The following ICMT variants were observed in gnomAD, a reference collection of about 807,000 sequenced individuals.
ICMT encodes protein-S-isoprenylcysteine O-methyltransferase.
ICMT carries 10 observed loss-of-function variants against 32.2 expected under a neutral mutation model. The observed-to-expected ratio is 0.31, with a 90% CI of 0.19 to 0.53. The LOEUF is 0.53. Ranked by LOEUF, ICMT falls within the 20% of genes least tolerant of loss-of-function variation. The pLI, the probability that ICMT is intolerant of heterozygous loss-of-function variation, is 0.96. For missense variants in ICMT, 265 were observed against 356.9 expected, an observed-to-expected ratio of 0.74 and a Z score of 2.07; for synonymous variants, 183 against 158.2, an observed-to-expected ratio of 1.16 and a Z score of -1.18.
At chr1:6,235,611 G>A (rs1162205789) in intron 1 of ICMT, 106 bp downstream of exon 1, 2 of 729,370 alleles carry the variant, frequency 2.7e-6, no homozygotes, top group Non-Finnish European at 3.5e-6. Context: ...TGAAGAGCGC[G>A]CGCGTGGGAG....
intron 2 of ICMT, among the ~76,000 whole-genome samples, chr1:6,234,253 A>T (rs951674432): frequency 1.3e-4 from 20 of 152,222 alleles, no homozygotes; most frequent in Non-Finnish European, 2.4e-4. Context: ...TCCGTTAAAA[A>T]TGACACTACA....
chr1:6,235,697 C>T lies in ICMT; in HGVS notation c.195+20G>A, dbSNP rs1668813667. ...CGCCGCCCGCCCCGCCGGCCCCCGCCGGCCCCCGCCGGCCTGCACCTGGTA... is the reference window on the plus strand; with the variant it reads ...CGCCGCCCGCCCCGCCGGCCCCCGCTGGCCCCCGCCGGCCTGCACCTGGTA... On this transcript the variant is annotated intron_variant, in intron 1 of 4. Transcript: ENST00000343813. The T allele has an allele frequency of 1.7e-6, 2 of 1,173,916 alleles. No homozygotes were observed. Among genetic ancestry groups the T allele is most frequent in the Admixed American group, 4.7e-5 (1 of 21,272 alleles). 72.7% of individuals were successfully genotyped at this position (1,173,916 alleles called of 1,614,324 possible).
intron 4 of ICMT, among the ~76,000 whole-genome samples, chr1:6,231,261 C>T (rs1399910333): frequency 6.6e-6 from 1 of 152,166 alleles, no homozygotes; most frequent in Non-Finnish European, 1.5e-5. Flanking sequence ...GCTCACACAG[C>T]TCACTAACAC....
chr1:6,232,055 C>T lies in ICMT; in HGVS notation c.519G>A (p.Leu173=), dbSNP rs1668746694. 6.2e-7 allele frequency: 1 copy of T among 1,614,020 alleles called. No homozygotes were observed. ...CAGCTGTAAACATGGCCGCCTTCCT[C>T]AGACATTCTCCGAAGACCACCATCA... The part of the protein sequence containing the change: ...GLLMVVFGEC[L]RKAAMFTAGS... The change falls in exon 4 of 5, where the codon CTG becomes CTA. Residue 173 remains leucine, a synonymous_variant. Coordinates refer to ENST00000343813, the MANE Select transcript of ICMT (RefSeq NM_012405.4).
rs762526307 is a variant in ICMT at position 6,235,772 on chromosome 1, T to A, written c.140A>T (p.Tyr47Phe). ...CAGCAGCGCGTTGAGCCCGGCCACG[T>A]AGAGCGCCAGCCCGGTGCGGCCCTG... ...GLQGRTGLAL[Y>F]VAGLNALLLL... The change falls in exon 1 of 5, where the codon TAC becomes TTC. Residue 47 changes from tyrosine to phenylalanine, a missense_variant. Coordinates refer to ENST00000343813, the MANE Select transcript of ICMT (RefSeq NM_012405.4). The A allele has an allele frequency of 1.9e-5, 26 of 1,343,376 alleles. No homozygotes were observed. In the South Asian group the frequency reaches 3.5e-4, roughly 18 times the overall value. 83.2% of individuals were successfully genotyped at this position (1,343,376 alleles called of 1,614,324 possible).
In ICMT at chr1:6,234,856, G is replaced by A. The variant is rs375689804; in HGVS notation, c.284+30C>T. On this transcript the variant is annotated intron_variant, in intron 2 of 4. Coordinates refer to ENST00000343813, the MANE Select transcript of ICMT (RefSeq NM_012405.4). Reference sequence around the variant, plus strand: ...CCCTCTGATCTGTCCACCCTCGCCTGAAAACCAGTATTTCCGAAGGAATTC... The same window carrying A: ...CCCTCTGATCTGTCCACCCTCGCCTAAAAACCAGTATTTCCGAAGGAATTC... The A allele has an allele frequency of 2.6e-6, 4 of 1,534,842 alleles. No homozygotes were observed. The South Asian group carries it at 4.5e-5, about 17-fold the overall frequency.
chr1:6,228,346 TTC>T (rs1377098034), intron 4 of ICMT, among the ~76,000 whole-genome samples: 2 of 151,902 alleles, frequency 1.3e-5, no homozygotes, highest in African/African-American at 4.8e-5. Context: ...TGGTTTCTTT[TTC>T]TTTTTTTTTT....
intron 2 of ICMT, chr1:6,234,302 G>A (rs1484965259): frequency 2.7e-6 from 1 of 367,472 alleles, no homozygotes; most frequent in Non-Finnish European, 5.3e-6. Flanking sequence ...CAACATAAAG[G>A]AGTGATGTAT....
chr1:6,229,269 G>T (rs960820390), intron 4 of ICMT, among the ~76,000 whole-genome samples: 3 of 151,992 alleles, frequency 2.0e-5, no homozygotes, highest in Admixed American at 6.6e-5. Flanking sequence ...ACCTGAGGTT[G>T]GGAGTTCGAG....
In ICMT at chr1:6,225,027, T is replaced by C; in HGVS notation, c.*53A>G. 7 of 1,475,662 alleles carry C rather than the reference T, an allele frequency of 4.7e-6. No homozygotes were observed. The highest frequency in any genetic ancestry group is 1.4e-5 in the African/African-American group (1 of 70,874). The allele number at this position is 1,475,662 out of a possible 1,614,324, so 91.4% of individuals were successfully genotyped here. ...GGCAGCGGCCAACCGGAAACAGTTT[T>C]GTCCCAGGCTGCACAGGGTCGGAGG... On this transcript the variant is annotated 3_prime_UTR_variant, in exon 5 of 5. Coordinates refer to ENST00000343813, the MANE Select transcript of ICMT (RefSeq NM_012405.4).
intron 4 of ICMT, among the ~76,000 whole-genome samples, chr1:6,228,676 A>G (rs1424614354): frequency 2.0e-5 from 3 of 151,986 alleles, no homozygotes; most frequent in Non-Finnish European, 4.4e-5. Context: ...GCCTCAAGCA[A>G]TCCTCCTGCT....
chr1:6,235,562 G>A (rs535148017), intron 1 of ICMT, among the ~76,000 whole-genome samples, 155 bp downstream of exon 1: 2 of 152,200 alleles, frequency 1.3e-5, no homozygotes, highest in East Asian at 3.9e-4. Context: ...GCCCGAGCCC[G>A]GAGAGAGAGG....
At chr1:6,234,573 C>G in intron 2 of ICMT, 1 of 488,042 alleles carries the variant, frequency 2.0e-6, no homozygotes, top group South Asian at 1.6e-5. Flanking sequence ...CCCCTGCCCG[C>G]CACCGAGGAC....
intron 4 of ICMT, among the ~76,000 whole-genome samples, chr1:6,231,376 C>G (rs546948257): frequency 9.6e-4 from 146 of 152,110 alleles, no homozygotes; most frequent in Middle Eastern, 6.8e-3. Context: ...TGTCCTCACC[C>G]CCTCTGGGGT....
At position 6,224,198 on chromosome 1, in the gene ICMT, A is replaced by C. The variant is rs2100958372; in HGVS notation, c.*882T>G. On this transcript the variant is annotated 3_prime_UTR_variant, in exon 5 of 5. Transcript: ENST00000343813. ...GTAAAATGAGAATCAAATCCCAAAT[A>C]AACGGAGAGCAGCACTTCTCAATGT... 6.6e-6 allele frequency: 1 copy of C among 152,364 alleles called. No individual in the cohort carries two copies. The highest frequency in any genetic ancestry group is 2.1e-4 in the South Asian group (1 of 4,828). 9.4% of individuals were successfully genotyped at this position (152,364 alleles called of 1,614,324 possible). A position where few individuals can be genotyped will look rare whatever the true frequency, so the allele number is the denominator to read the frequency against.
chr1:6,233,303 G>A (rs532784565), intron 3 of ICMT, among the ~76,000 whole-genome samples, 171 bp downstream of exon 3: 1 of 152,272 alleles, frequency 6.6e-6, no homozygotes, highest in African/African-American at 2.4e-5. Flanking sequence ...AATATCCAGA[G>A]GCAGAATTCA....
chr1:6,232,026 G>C lies in ICMT; in HGVS notation c.548C>G (p.Ser183Cys). 4.3e-6 allele frequency: 7 copies of C among 1,614,088 alleles called. No individual in the cohort carries two copies. The highest frequency in any genetic ancestry group is 5.1e-6 in the Non-Finnish European group (6 of 1,180,016). ...ATTCTGTACCACGTGGTTGAAATTG[G>C]AGCCAGCTGTAAACATGGCCGCCTT... ...LRKAAMFTAG[S>C]NFNHVVQNEK... Residue 183 changes from serine to cysteine, a missense_variant, in exon 4 of 5, where the codon TCC (serine) becomes TGC (cysteine). Physicochemically the swap from Ser to Cys is moderately radical, Grantham distance 112 (BLOSUM62 -1). Around this residue, in one of 2 missense-constraint regions of ICMT, gnomAD observed 166 missense variants for 264.3 expected, o/e 0.63. Coordinates refer to ENST00000343813, the MANE Select transcript of ICMT (RefSeq NM_012405.4).
intron 1 of ICMT, 24 bp from the exon 2 acceptor site, chr1:6,234,998 C>T: frequency 6.4e-7 from 1 of 1,568,748 alleles, no homozygotes; most frequent in Non-Finnish European, 8.8e-7. Context: ...AAGAGAAGCT[C>T]AGTCATTCAC....
intron 4 of ICMT, among the ~76,000 whole-genome samples, chr1:6,230,312 G>C (rs1483243201): frequency 6.6e-6 from 1 of 152,120 alleles, no homozygotes; most frequent in Non-Finnish European, 1.5e-5. Flanking sequence ...ATGGGGTTTT[G>C]CCATGTTGGC....
Sources: allele counts gnomAD v4.1 joint callset (sites outside exome capture counted in the v4.1 genomes callset), GRCh38; gene constraint gnomAD v4.1.1; regional missense constraint gnomAD v4.1.1; transcripts MANE v1.5; gene names NCBI Gene and HGNC (gene_info 2026-07-23, HGNC 2026-07-21).